Variants in CCSER1 observed in about 807,000 individuals in gnomAD.
CCSER1 encodes the protein serine-rich coiled-coil domain-containing protein 1.
Under a neutral mutation model 82.0 loss-of-function variants are expected in CCSER1, and 41 were observed. The ratio of observed to expected loss-of-function variants is 0.50; its 90% confidence interval spans 0.39 to 0.65. The LOEUF is 0.65. Among genes scored for constraint, CCSER1 ranks in the 30% least tolerant of loss-of-function variants. CCSER1 has a pLI of 0.00. For missense variants in CCSER1, 1,119 were observed against 1,064.2 expected, an observed-to-expected ratio of 1.05 and a Z score of -0.72; for synonymous variants, 414 against 383.9, an observed-to-expected ratio of 1.08 and a Z score of -0.92.
intron 10 of CCSER1, among the ~76,000 whole-genome samples, chr4:91,202,622 C>T (rs1735994581): frequency 6.6e-6 from 1 of 151,800 alleles, no homozygotes; most frequent in Non-Finnish European, 1.5e-5. Flanking sequence ...AGCATTATTA[C>T]CAGAAAGGGC....
At chr4:91,577,458 A>T (rs1480896574) in intron 10 of CCSER1, among the ~76,000 whole-genome samples, 1 of 151,860 alleles carries the variant, frequency 6.6e-6, no homozygotes, top group Non-Finnish European at 1.5e-5. Context: ...AGCAAAAAAT[A>T]AAATAAAAAA....
At chr4:91,006,749 C>T (rs1738553421) in intron 9 of CCSER1, among the ~76,000 whole-genome samples, 1 of 152,066 alleles carries the variant, frequency 6.6e-6, no homozygotes, top group Non-Finnish European at 1.5e-5. Context: ...CCTTGGCCTC[C>T]CAAAGTGCTG....
At chr4:90,299,710 A>C (rs1407971099) in intron 1 of CCSER1, among the ~76,000 whole-genome samples, 3 of 152,128 alleles carry the variant, frequency 2.0e-5, no homozygotes, top group Admixed American at 2.0e-4. Flanking sequence ...ATGCATTTAG[A>C]GATAAACTGA....
chr4:90,872,275 C>T (rs1335369931), intron 8 of CCSER1, among the ~76,000 whole-genome samples: 1 of 151,364 alleles, frequency 6.6e-6, no homozygotes, highest in Non-Finnish European at 1.5e-5. Context: ...TCCTTCTTCC[C>T]ACCTTCTATC....
At chr4:91,136,210 C>T (rs1407014354) in intron 10 of CCSER1, among the ~76,000 whole-genome samples, 2 of 152,186 alleles carry the variant, frequency 1.3e-5, no homozygotes, top group African/African-American at 2.4e-5. Flanking sequence ...AAACATCTTG[C>T]AGTTCATCAA....
At chr4:90,359,064 G>A (rs1051156772) in intron 3 of CCSER1, among the ~76,000 whole-genome samples, 2 of 152,232 alleles carry the variant, frequency 1.3e-5, no homozygotes, top group South Asian at 2.1e-4. Flanking sequence ...CATAAGGCAC[G>A]ATGTGTTACG....
At chr4:91,430,478 CAT>C (rs1560664323) in intron 10 of CCSER1, among the ~76,000 whole-genome samples, 2 of 152,180 alleles carry the variant, frequency 1.3e-5, no homozygotes, top group African/African-American at 4.8e-5. Context: ...CCAGTATGCA[CAT>C]GTGTGCATGG....
intron 9 of CCSER1, among the ~76,000 whole-genome samples, chr4:90,983,111 A>G (rs1581258274): frequency 6.6e-6 from 1 of 151,764 alleles, no homozygotes; most frequent in Non-Finnish European, 1.5e-5. Context: ...ACATTCTTTC[A>G]TGAATCACTA....
At chr4:90,798,352 G>A (rs1389982971) in intron 7 of CCSER1, among the ~76,000 whole-genome samples, 1 of 151,932 alleles carries the variant, frequency 6.6e-6, no homozygotes, top group African/African-American at 2.4e-5. Context: ...TTCTATATTG[G>A]CTATTTTGTC....
Position 91,453,669 on chromosome 4 carries a change from C to T in CCSER1, c.2218-144903C>T, listed in dbSNP as rs1319570531. On this transcript the variant is annotated intron_variant, in intron 10 of 10. Coordinates refer to ENST00000509176, the MANE Select transcript of CCSER1 (RefSeq NM_001145065.2). ...CCTTTGCCTACCTGCTCAGCAATAT[C>T]CTCCGAAGAACCCAAGCATATCTGG... is the stretch of plus-strand genomic sequence containing the variant. Among the ~76,000 whole-genome samples the T allele has an allele frequency of 4.6e-5, 7 of 152,018 alleles. 1 individual carries two copies. In the East Asian group the frequency reaches 1.3e-3, roughly 29 times the overall value.
chr4:90,765,764 T>C (rs1440392075), intron 7 of CCSER1, among the ~76,000 whole-genome samples: 1 of 152,156 alleles, frequency 6.6e-6, no homozygotes, highest in Non-Finnish European at 1.5e-5. Context: ...GACTGATACA[T>C]TGATAAGGCT....
chr4:90,593,927 A>G (rs879883563), intron 5 of CCSER1, among the ~76,000 whole-genome samples: 1 of 152,080 alleles, frequency 6.6e-6, no homozygotes, highest in Non-Finnish European at 1.5e-5. Context: ...TGTTCAGCTC[A>G]TAGTAGGATC....
At chr4:91,279,757 T>G (rs377456645) in intron 10 of CCSER1, among the ~76,000 whole-genome samples, 12 of 152,308 alleles carry the variant, frequency 7.9e-5, no homozygotes, top group African/African-American at 2.9e-4. Context: ...ATTTCTTCAT[T>G]GGAATTGTTG....
rs567352948 is a variant in CCSER1 at position 90,363,530 on chromosome 4, T to C, written c.1510-36506T>C. ...TGCACTCATGTGTTTGAGAGTTTTA[T>C]TCTAAAAAGACTACTTATCCAAATG... On this transcript the variant is annotated intron_variant, in intron 3 of 10. Transcript: ENST00000509176. 2.6e-5 allele frequency among the ~76,000 whole-genome samples: 4 copies of C among 152,074 alleles called. No homozygotes were observed. In the South Asian group the frequency reaches 6.2e-4, roughly 24 times the overall value.
intron 5 of CCSER1, among the ~76,000 whole-genome samples, chr4:90,610,878 T>G (rs897850778): frequency 6.6e-6 from 1 of 152,052 alleles, no homozygotes; most frequent in Admixed American, 6.6e-5. Context: ...GATATTCTTT[T>G]TTTGTTGTTG....
intron 4 of CCSER1, among the ~76,000 whole-genome samples, chr4:90,439,586 T>C (rs994920403): frequency 6.6e-6 from 1 of 152,204 alleles, no homozygotes; most frequent in Admixed American, 6.5e-5. Flanking sequence ...TCCCCTTAGA[T>C]ATTTTGCTTC....
At chr4:90,986,676 G>C (rs1365311511) in intron 9 of CCSER1, among the ~76,000 whole-genome samples, 2 of 151,668 alleles carry the variant, frequency 1.3e-5, no homozygotes, top group Non-Finnish European at 2.9e-5. Flanking sequence ...CAATCATCAA[G>C]TTTGAGTTGG....
intron 3 of CCSER1, among the ~76,000 whole-genome samples, chr4:90,372,236 C>T (rs1747559475): frequency 6.6e-6 from 1 of 152,082 alleles, no homozygotes; most frequent in South Asian, 2.1e-4. Context: ...CCACATAACT[C>T]TGTGGTCTAA....
chr4:91,108,002 T>C (rs1399516125), intron 10 of CCSER1: 3 of 152,220 alleles, frequency 2.0e-5, no homozygotes, highest in Admixed American at 6.5e-5. Flanking sequence ...CTGACCATCA[T>C]TGAAAAGTTA....
Sources: gnomAD v4.1 joint callset for allele counts (sites outside exome capture counted in the v4.1 genomes callset) on GRCh38, gnomAD v4.1.1 for gene constraint, MANE v1.5 for transcripts, NCBI Gene and HGNC (gene_info 2026-07-23, HGNC 2026-07-21) for gene names.